The following TTLL12 variants were observed in gnomAD, a reference collection of about 807,000 sequenced individuals.
TTLL12 encodes the protein tubulin tyrosine ligase like 12.
In TTLL12, 77 loss-of-function variants were observed where a neutral mutation model predicts 79.6. That is an observed-to-expected ratio of 0.97 (90% CI 0.81 to 1.17). The LOEUF is 1.17. TTLL12 is among the 50% of genes most tolerant of loss of function. The probability of loss-of-function intolerance (pLI) is 0.00; values close to 1 mark genes in which losing one functional copy is unlikely to be tolerated. For synonymous variants in TTLL12, 437 were observed against 376.1 expected, an observed-to-expected ratio of 1.16 and a Z score of -1.87; for missense variants, 969 against 895.9, an observed-to-expected ratio of 1.08 and a Z score of -1.04.
chr22:43,178,399 G>C (rs1266568842), intron 5 of TTLL12, among the ~76,000 whole-genome samples: 7 of 151,186 alleles, frequency 4.6e-5, no homozygotes, highest in African/African-American at 9.7e-5. Flanking sequence ...TCGGCTCACT[G>C]CAAGCTCCGC....
chr22:43,174,071 G>T, intron 8 of TTLL12, 138 bp downstream of exon 8: 1 of 1,219,776 alleles, frequency 8.2e-7, no homozygotes, highest in Non-Finnish European at 1.1e-6. Flanking sequence ...CGTGAAGACG[G>T]CCGTGACGTT....
chr22:43,177,776 C>T (rs1320754240), intron 5 of TTLL12, among the ~76,000 whole-genome samples: 1 of 152,218 alleles, frequency 6.6e-6, no homozygotes, highest in Non-Finnish European at 1.5e-5. Flanking sequence ...CCAGAGGCAC[C>T]CCGTTGAGCC....
At chr22:43,171,943 C>T (rs763273092) in intron 10 of TTLL12, 43 bp from the exon 11 acceptor site, 46 of 1,573,732 alleles carry the variant, frequency 2.9e-5, no homozygotes, top group Non-Finnish European at 3.7e-5. Context: ...CTTGAGCGGC[C>T]TTGTCCCTGC....
intron 11 of TTLL12, among the ~76,000 whole-genome samples, chr22:43,170,761 A>C (rs1931744329): frequency 6.6e-6 from 1 of 152,004 alleles, no homozygotes. Flanking sequence ...AAATACAAAA[A>C]AATTAGCCGG....
In TTLL12 at chr22:43,167,846, C is replaced by T. The variant is rs17003540; in HGVS notation, c.*162G>A. Reference sequence around the variant, plus strand: ...AGGTGAGAGGAGGATGCTGTGCTCCCGGAGTGTGGCGCCGGGAGGATGGCT... The same window carrying T: ...AGGTGAGAGGAGGATGCTGTGCTCCTGGAGTGTGGCGCCGGGAGGATGGCT... On this transcript the variant is annotated 3_prime_UTR_variant, in exon 14 of 14. Coordinates refer to ENST00000216129, the MANE Select transcript of TTLL12 (RefSeq NM_015140.4). 83 of 834,896 alleles carry T rather than the reference C, an allele frequency of 9.9e-5. No homozygotes were observed. The highest frequency in any genetic ancestry group is 9.9e-4 in the African/African-American group (58 of 58,428). The allele number at this position is 834,896 out of a possible 1,614,324, so 51.7% of individuals were successfully genotyped here. A position where few individuals can be genotyped will look rare whatever the true frequency, so the allele number is the denominator to read the frequency against.
At chr22:43,186,198 C>G (rs374439435) in intron 1 of TTLL12, among the ~76,000 whole-genome samples, 2 of 148,576 alleles carry the variant, frequency 1.3e-5, no homozygotes, top group African/African-American at 2.5e-5. Flanking sequence ...CACCCCCCCC[C>G]CCGCCAGCCC....
intron 11 of TTLL12, 63 bp downstream of exon 11, chr22:43,171,756 G>T: frequency 7.0e-7 from 1 of 1,423,700 alleles, no homozygotes; most frequent in East Asian, 2.3e-5. Flanking sequence ...AGTGTGGGCG[G>T]GGTGGGGTCG....
Position 43,168,104 on chromosome 22 carries a change from C to T in TTLL12, c.1839G>A (p.Glu613=), listed in dbSNP as rs1368224940. ...ILEVNFNPDC[E]RACRYHPTFF... is the part of the protein sequence containing the mutation. The stretch of plus-strand genomic sequence containing the variant: ...AGGTGGGGTGGTACCTGCAGGCTCG[C>T]TCACAGTCGGGGTTGAAGTTCACCT... The change falls in exon 14 of 14, where the codon GAG becomes GAA. Residue 613 remains glutamate (E), a synonymous_variant. Coordinates refer to ENST00000216129, the MANE Select transcript of TTLL12 (RefSeq NM_015140.4). The T allele has an allele frequency of 1.2e-6, 2 of 1,614,178 alleles. No homozygotes were observed. Among genetic ancestry groups the T allele is most frequent in the South Asian group, 1.1e-5 (1 of 91,092 alleles).
At position 43,174,918 on chromosome 22, in the gene TTLL12, C is replaced by G. The variant is rs534246772; in HGVS notation, c.918-303G>C. On this transcript the variant is annotated intron_variant, in intron 6 of 13. Transcript: ENST00000216129. The stretch of plus-strand genomic sequence containing the variant: ...GCATAATTTGGGTGTTTATTATGTG[C>G]TAGTTCTTTCCTCTCACATGCAAAA... 3.3e-5 allele frequency among the ~76,000 whole-genome samples: 5 copies of G among 152,356 alleles called. No individual in the cohort carries two copies. In the East Asian group the frequency reaches 9.6e-4, roughly 29 times the overall value.
At chr22:43,174,702 C>G (rs1458892216) in intron 6 of TTLL12, 87 bp from the exon 7 acceptor site, 5 of 988,622 alleles carry the variant, frequency 5.1e-6, no homozygotes, top group Admixed American at 2.2e-5. Context: ...GGACTCCCTT[C>G]CCTGTTTTGA....
chr22:43,170,569 AAGC>A (rs1183219898), intron 11 of TTLL12, among the ~76,000 whole-genome samples: 4 of 152,192 alleles, frequency 2.6e-5, no homozygotes, highest in African/African-American at 9.7e-5. Flanking sequence ...TCAGCCAACA[AAGC>A]AAGCTGCAGA....
intron 8 of TTLL12, 116 bp downstream of exon 8, chr22:43,174,093 G>A (rs866189291): frequency 2.2e-6 from 3 of 1,377,940 alleles, no homozygotes; most frequent in African/African-American, 2.9e-5. Flanking sequence ...GGGGCCCACA[G>A]CTCGGCTCCT....
In TTLL12 at chr22:43,176,353, T is replaced by C. The variant is rs758926614; in HGVS notation, c.884A>G (p.Asn295Ser). The change falls in exon 6 of 14, where the codon AAC (asparagine) becomes AGC (serine). Residue 295 changes from asparagine to serine, a missense_variant. Physicochemically the swap from Asn to Ser is conservative, Grantham distance 46 (BLOSUM62 1). Transcript: ENST00000216129. Reference protein sequence around the residue: ...ENKEKLPLDINPVVHPHGHIF... With the variant: ...ENKEKLPLDISPVVHPHGHIF... The stretch of plus-strand genomic sequence containing the variant: ...GTGGCCGTGGGGGTGCACCACGGGG[T>C]TGATGTCAAGTGGCAGCTTCTCCTT... 3.1e-6 allele frequency: 5 copies of C among 1,603,260 alleles called. No homozygotes were observed. The Admixed American group carries it at 8.7e-5, about 28-fold the overall frequency.
intron 5 of TTLL12, 45 bp downstream of exon 5, chr22:43,179,574 G>C (rs1231365715): frequency 6.6e-7 from 1 of 1,514,940 alleles, no homozygotes; most frequent in Admixed American, 2.2e-5. Flanking sequence ...GAACATTCTG[G>C]AAGCTACCAA....
intron 9 of TTLL12, among the ~76,000 whole-genome samples, chr22:43,173,411 A>T (rs781714823): frequency 7.9e-5 from 12 of 152,162 alleles, no homozygotes; most frequent in Non-Finnish European, 1.6e-4. Context: ...CCCGGGCTCA[A>T]GTGATCCTCC....
At chr22:43,184,890 T>A (rs1334769065) in intron 1 of TTLL12, among the ~76,000 whole-genome samples, 4 of 152,046 alleles carry the variant, frequency 2.6e-5, no homozygotes, top group Non-Finnish European at 5.9e-5. Context: ...AGGGGAGTGG[T>A]TTTGCAACTG....
intron 11 of TTLL12, chr22:43,169,975 C>T: frequency 7.1e-6 from 3 of 424,902 alleles, no homozygotes; most frequent in East Asian, 1.4e-4. Flanking sequence ...GACTCCGCCG[C>T]GGGACCTGCC....
Position 43,183,079 on chromosome 22 carries a change from G to A in TTLL12, c.248C>T (p.Ala83Val). 6.2e-7 allele frequency: 1 copy of A among 1,613,980 alleles called. No homozygotes were observed. Among genetic ancestry groups the A allele is most frequent in the Non-Finnish European group, 8.5e-7 (1 of 1,180,000 alleles). Residue 83 changes from alanine (A) to valine (V), a missense_variant, in exon 2 of 14, where the codon GCC becomes GTC. By Grantham distance (64) the Ala-to-Val change is moderately conservative. Coordinates refer to ENST00000216129, the MANE Select transcript of TTLL12 (RefSeq NM_015140.4). ...EEVEEEEDEA[A>V]REVRKQQPNP... Reference sequence around the variant, plus strand: ...GGGCTGCTGCTTCCGCACCTCCCGGGCTGCCTCGTCCTCCTCCTCTTCTAC... The same window carrying A: ...GGGCTGCTGCTTCCGCACCTCCCGGACTGCCTCGTCCTCCTCCTCTTCTAC...
chr22:43,168,681 G>C, intron 13 of TTLL12, 93 bp downstream of exon 13: 1 of 1,505,964 alleles, frequency 6.6e-7, no homozygotes, highest in Non-Finnish European at 8.9e-7. Context: ...CCAGAGGACA[G>C]CCTGGGGCAG....
Sources: gnomAD v4.1 joint callset for allele counts (sites outside exome capture counted in the v4.1 genomes callset) on GRCh38, gnomAD v4.1.1 for gene constraint, MANE v1.5 for transcripts, NCBI Gene and HGNC (gene_info 2026-07-23, HGNC 2026-07-21) for gene names.